DOCK2: variants seen among roughly 807,000 people sequenced by gnomAD.
DOCK2 encodes dedicator of cytokinesis protein 2.
In DOCK2, 87 loss-of-function variants were observed where a neutral mutation model predicts 248.9. The observed-to-expected ratio is 0.35, with a 90% CI of 0.29 to 0.42. DOCK2 has a LOEUF of 0.42. Among genes scored for constraint, DOCK2 ranks in the 10% least tolerant of loss-of-function variants. The pLI is 1.00. For missense variants in DOCK2, 1,747 were observed against 2,300.2 expected (o/e 0.76, Z 4.92); for synonymous variants, 805 against 821.6 (o/e 0.98, Z 0.35).
intron 9 of DOCK2, among the ~76,000 whole-genome samples, chr5:169,690,646 A>G (rs1191331215): frequency 1.3e-5 from 2 of 152,220 alleles, no homozygotes; most frequent in Non-Finnish European, 2.9e-5. Flanking sequence ...CTGGATAAAT[A>G]GGAGAGTCCC....
intron 27 of DOCK2, among the ~76,000 whole-genome samples, chr5:169,861,107 T>C (rs1019908528): frequency 3.3e-5 from 5 of 152,198 alleles, no homozygotes; most frequent in African/African-American, 1.2e-4. Flanking sequence ...GCTGCCTCCC[T>C]CACTCACGGG....
chr5:169,651,072 T>C (rs1416093805), intron 1 of DOCK2, among the ~76,000 whole-genome samples: 2 of 152,222 alleles, frequency 1.3e-5, no homozygotes, highest in African/African-American at 4.8e-5. Flanking sequence ...AGGCCCATCT[T>C]AGACTGGTCA....
At chr5:170,077,638 A>G (rs979524456) in intron 47 of DOCK2, 72 bp from the exon 48 acceptor site, 2 of 1,589,124 alleles carry the variant, frequency 1.3e-6, no homozygotes, top group East Asian at 2.2e-5. Context: ...AGGTGGAGGA[A>G]GAAGGTGACA....
At chr5:169,946,831 C>T (rs1776469227) in intron 27 of DOCK2, among the ~76,000 whole-genome samples, 2 of 152,192 alleles carry the variant, frequency 1.3e-5, no homozygotes, top group South Asian at 2.1e-4. Flanking sequence ...TGGGCAGTGA[C>T]ATGGAAAGGG....
At position 169,642,408 on chromosome 5, in the gene DOCK2, T is replaced by C. The variant is rs190683127; in HGVS notation, c.43+5039T>C. 1.4e-4 allele frequency among the ~76,000 whole-genome samples: 21 copies of C among 152,326 alleles called. No individual in the cohort carries two copies. In the East Asian group the frequency reaches 3.9e-3, roughly 28 times the overall value. ...GTAACCATATAATTACAAATTGTGATATGTGCTGTTTTAATATGAGTGAGA... is the reference window on the plus strand; with the variant it reads ...GTAACCATATAATTACAAATTGTGACATGTGCTGTTTTAATATGAGTGAGA... On this transcript the variant is annotated intron_variant, in intron 1 of 51. Transcript: ENST00000520908.
intron 8 of DOCK2, among the ~76,000 whole-genome samples, chr5:169,685,764 A>G (rs1011614591): frequency 6.6e-6 from 1 of 152,216 alleles, no homozygotes; most frequent in African/African-American, 2.4e-5. Context: ...ACATTGTCTC[A>G]TCTAATCCTC....
intron 30 of DOCK2, among the ~76,000 whole-genome samples, chr5:170,001,955 C>A (rs964640387): frequency 6.6e-6 from 1 of 152,092 alleles, no homozygotes; most frequent in South Asian, 2.1e-4. Flanking sequence ...TACAACCATA[C>A]CCTTTAGATA....
chr5:169,959,077 GATGAGTAGAAATC>G (rs1267102107), intron 27 of DOCK2, among the ~76,000 whole-genome samples: 23 of 152,262 alleles, frequency 1.5e-4, no homozygotes, highest in Middle Eastern at 3.4e-3. Context: ...AGAATATTCT[GATGAGTAGAAATC>G]ATGTATAAAA....
intron 9 of DOCK2, among the ~76,000 whole-genome samples, chr5:169,690,379 G>T (rs1760225345): frequency 6.6e-6 from 1 of 152,116 alleles, no homozygotes; most frequent in Admixed American, 6.6e-5. Context: ...ATCCAGGAGT[G>T]ACCGACATGC....
intron 27 of DOCK2, among the ~76,000 whole-genome samples, chr5:169,912,047 C>T (rs1774625570): frequency 6.6e-6 from 1 of 152,196 alleles, no homozygotes; most frequent in Non-Finnish European, 1.5e-5. Context: ...CTATGCACAT[C>T]AGGCTGTTGA....
chr5:169,648,270 A>C (rs1014478670), intron 1 of DOCK2, among the ~76,000 whole-genome samples: 2 of 152,116 alleles, frequency 1.3e-5, no homozygotes, highest in Admixed American at 6.5e-5. Context: ...AGAGGCTAGT[A>C]GCACTGACAC....
intron 24 of DOCK2, among the ~76,000 whole-genome samples, chr5:169,760,713 G>T (rs113406751): frequency 1.3e-5 from 2 of 152,220 alleles, no homozygotes; most frequent in South Asian, 4.1e-4. Flanking sequence ...ACATCGCTGT[G>T]TATTGATTTG....
chr5:169,674,246 T>C (rs774987244), intron 5 of DOCK2, 51 bp from the exon 6 acceptor site: 1 of 1,593,212 alleles, frequency 6.3e-7, no homozygotes, highest in Non-Finnish European at 8.6e-7. Flanking sequence ...GCCAAATAGA[T>C]GGTCATGCCC....
At position 170,056,938 on chromosome 5, in the gene DOCK2, T is replaced by C. The variant is rs567729754; in HGVS notation, c.4380+170T>C. The stretch of plus-strand genomic sequence containing the variant: ...CCCCAATCTCTTCCATTAGGGCCTG[T>C]GTCCTTATTTCTTGAGCCTTTTTCC... On this transcript the variant is annotated intron_variant, in intron 43 of 51. Coordinates refer to ENST00000520908, the MANE Select transcript of DOCK2 (RefSeq NM_004946.3). 17 of 622,330 alleles carry C rather than the reference T, an allele frequency of 2.7e-5. No homozygotes were observed. In the East Asian group the frequency reaches 4.5e-4, roughly 17 times the overall value. 38.6% of individuals were successfully genotyped at this position (622,330 alleles called of 1,614,324 possible).
intron 4 of DOCK2, 139 bp downstream of exon 4, chr5:169,670,736 C>T (rs1581007411): frequency 1.0e-6 from 1 of 999,862 alleles, no homozygotes; most frequent in East Asian, 2.4e-5. Flanking sequence ...TTGTGGGTCT[C>T]CTTTCCGTTA....
intron 27 of DOCK2, among the ~76,000 whole-genome samples, chr5:169,922,284 G>C (rs1255063391): frequency 2.0e-5 from 3 of 152,172 alleles, no homozygotes. Context: ...AAAGATGAAG[G>C]CTCAGAGAAG....
intron 27 of DOCK2, among the ~76,000 whole-genome samples, chr5:169,921,840 T>C (rs1302373424): frequency 1.3e-5 from 2 of 152,216 alleles, no homozygotes; most frequent in African/African-American, 4.8e-5. Context: ...CTCAATTGAA[T>C]AGTGCACAAA....
chr5:170,072,932 A>G (rs1272928894), intron 46 of DOCK2, among the ~76,000 whole-genome samples: 1 of 152,164 alleles, frequency 6.6e-6, no homozygotes, highest in Non-Finnish European at 1.5e-5. Context: ...AAATATATGT[A>G]TTGCAAATAT....
intron 26 of DOCK2, among the ~76,000 whole-genome samples, chr5:169,828,012 T>C (rs2113275645): frequency 6.6e-6 from 1 of 152,284 alleles, no homozygotes; most frequent in South Asian, 2.1e-4. Context: ...GGCAGTGATT[T>C]TGCCAGCACC....
Sources: gnomAD v4.1 joint callset for allele counts (sites outside exome capture counted in the v4.1 genomes callset) on GRCh38, gnomAD v4.1.1 for gene constraint, MANE v1.5 for transcripts, NCBI Gene and HGNC (gene_info 2026-07-23, HGNC 2026-07-21) for gene names.